Variants in CADM2 observed in about 807,000 individuals in gnomAD.
The protein encoded by CADM2 is immunoglobulin superfamily member 4D.
Under a neutral mutation model 49.8 loss-of-function variants are expected in CADM2, and 12 were observed. The observed-to-expected ratio is 0.24, with a 90% CI of 0.15 to 0.39. The LOEUF (loss-of-function observed/expected upper bound fraction) is 0.39. Among genes scored for constraint, CADM2 ranks in the 10% least tolerant of loss-of-function variants. CADM2 has a pLI of 1.00. For synonymous variants in CADM2, 214 were observed against 175.4 expected (o/e 1.22, Z -1.74); for missense variants, 378 against 492.3 (o/e 0.77, Z 2.20).
At chr3:85,689,023 G>T (rs1027334329) in intron 1 of CADM2, among the ~76,000 whole-genome samples, 6 of 152,056 alleles carry the variant, frequency 3.9e-5, no homozygotes, top group African/African-American at 1.4e-4. Flanking sequence ...GCCAAAAACT[G>T]GAAACAACCT....
chr3:86,005,436 A>G (rs1559795578), intron 8 of CADM2, among the ~76,000 whole-genome samples: 1 of 151,942 alleles, frequency 6.6e-6, no homozygotes, highest in Non-Finnish European at 1.5e-5. Context: ...CTGTAATCTC[A>G]GCTACTCAGG....
At chr3:85,046,113 G>T (rs17022359) in intron 1 of CADM2, among the ~76,000 whole-genome samples, 8,921 of 151,962 alleles carry the variant, frequency 0.059, 874 homozygotes, top group African/African-American at 0.2. Context: ...TTCCTGAGAG[G>T]TCTAATTATT....
At chr3:85,406,822 T>G (rs1203364369) in intron 1 of CADM2, among the ~76,000 whole-genome samples, 1 of 152,176 alleles carries the variant, frequency 6.6e-6, no homozygotes, top group Non-Finnish European at 1.5e-5. Context: ...GCTGCTTACC[T>G]GTCATACCAC....
chr3:86,026,689 G>T (rs1418772603), intron 8 of CADM2, among the ~76,000 whole-genome samples: 2 of 152,052 alleles, frequency 1.3e-5, no homozygotes, highest in African/African-American at 4.8e-5. Context: ...TTCTCATGTT[G>T]TATGTGCTCA....
intron 8 of CADM2, among the ~76,000 whole-genome samples, chr3:86,020,851 G>A (rs2107034897): frequency 6.6e-6 from 1 of 152,108 alleles, no homozygotes; most frequent in Admixed American, 6.6e-5. Context: ...AATAATAAGA[G>A]CTATCTATGA....
chr3:85,256,062 T>C lies in CADM2; in HGVS notation c.61+296394T>C, dbSNP rs1424289291. ...AATTCTAAATATACAGTGTGTGTTTTCAGCCTGGTTCCTTTTTCACTTGAT... is the reference window on the plus strand; with the variant it reads ...AATTCTAAATATACAGTGTGTGTTTCCAGCCTGGTTCCTTTTTCACTTGAT... On this transcript the variant is annotated intron_variant, in intron 1 of 9. Coordinates refer to ENST00000383699, the MANE Select transcript of CADM2 (RefSeq NM_001167675.2). 2.0e-5 allele frequency among the ~76,000 whole-genome samples: 3 copies of C among 152,068 alleles called. No individual in the cohort carries two copies. The East Asian group carries it at 5.8e-4, about 29-fold the overall frequency.
chr3:86,040,073 C>A (rs1437564216), intron 8 of CADM2, among the ~76,000 whole-genome samples: 1 of 152,070 alleles, frequency 6.6e-6, no homozygotes, highest in African/African-American at 2.4e-5. Context: ...CACACCGAAA[C>A]CCCATCTGTA....
At chr3:85,441,305 C>T (rs2037191261) in intron 1 of CADM2, among the ~76,000 whole-genome samples, 1 of 151,800 alleles carries the variant, frequency 6.6e-6, no homozygotes, top group African/African-American at 2.4e-5. Context: ...TGGATTGATA[C>T]ATTTTTCACA....
intron 1 of CADM2, among the ~76,000 whole-genome samples, chr3:85,420,361 T>C (rs1467147479): frequency 1.3e-5 from 2 of 152,234 alleles, no homozygotes; most frequent in East Asian, 3.8e-4. Context: ...ATATGTTATA[T>C]TTAGTTCTAC....
At chr3:85,929,479 T>C (rs1424513374) in intron 6 of CADM2, among the ~76,000 whole-genome samples, 1 of 152,042 alleles carries the variant, frequency 6.6e-6, no homozygotes, top group African/African-American at 2.4e-5. Flanking sequence ...GATGATGCAC[T>C]ATTTACTTCA....
At chr3:85,794,494 T>C (rs1559661853) in intron 2 of CADM2, among the ~76,000 whole-genome samples, 1 of 152,170 alleles carries the variant, frequency 6.6e-6, no homozygotes. Flanking sequence ...ACACAAATGA[T>C]AAGAGGAAGT....
chr3:85,789,719 A>G (rs1335605326), intron 2 of CADM2, among the ~76,000 whole-genome samples: 2 of 152,200 alleles, frequency 1.3e-5, no homozygotes, highest in African/African-American at 4.8e-5. Flanking sequence ...AAATATGGAT[A>G]AATTAATAAA....
chr3:85,316,147 T>C (rs1014849850), intron 1 of CADM2, among the ~76,000 whole-genome samples: 4 of 152,208 alleles, frequency 2.6e-5, no homozygotes, highest in Admixed American at 2.6e-4. Flanking sequence ...TCTCTGTCTT[T>C]TATTAATCTC....
intron 1 of CADM2, among the ~76,000 whole-genome samples, chr3:85,187,405 A>C (rs1390496231): frequency 1.3e-5 from 2 of 152,126 alleles, no homozygotes. Context: ...AGTCCTCTGA[A>C]TAATATCAAC....
chr3:85,102,779 G>A (rs766541381), intron 1 of CADM2, among the ~76,000 whole-genome samples: 33 of 152,166 alleles, frequency 2.2e-4, no homozygotes, highest in Admixed American at 5.2e-4. Flanking sequence ...AAACTATCGA[G>A]AACTTCAGGT....
intron 2 of CADM2, among the ~76,000 whole-genome samples, chr3:85,772,085 A>G (rs1358038412): frequency 1.3e-5 from 2 of 150,160 alleles, no homozygotes; most frequent in Non-Finnish European, 1.5e-5. Flanking sequence ...CACTATTGGA[A>G]GCAAATGAAA....
chr3:85,844,224 T>C (rs1018172142), intron 3 of CADM2, among the ~76,000 whole-genome samples: 19 of 152,190 alleles, frequency 1.2e-4, no homozygotes, highest in African/African-American at 4.6e-4. Flanking sequence ...TAATAGATAA[T>C]TAGAAAAGAT....
chr3:86,032,025 C>T (rs577451897), intron 8 of CADM2, among the ~76,000 whole-genome samples: 5 of 151,490 alleles, frequency 3.3e-5, no homozygotes, highest in Non-Finnish European at 7.4e-5. Flanking sequence ...TTAATTGAAA[C>T]AATATTAACC....
chr3:85,469,849 G>A (rs976944335), intron 1 of CADM2, among the ~76,000 whole-genome samples: 4 of 152,154 alleles, frequency 2.6e-5, no homozygotes, highest in African/African-American at 4.8e-5. Flanking sequence ...TATCTGGCAC[G>A]TGGGAGGTGC....
Sources: gnomAD v4.1 joint callset for allele counts (sites outside exome capture counted in the v4.1 genomes callset) on GRCh38, gnomAD v4.1.1 for gene constraint, MANE v1.5 for transcripts, NCBI Gene and HGNC (gene_info 2026-07-23, HGNC 2026-07-21) for gene names.